The following ADGRE2 variants were observed in gnomAD, a reference collection of about 807,000 sequenced individuals.
ADGRE2 encodes CD97 antigen.
ADGRE2 carries 83 observed loss-of-function variants against 100.8 expected under a neutral mutation model. That is an observed-to-expected ratio of 0.82 (90% confidence interval 0.69 to 0.99). ADGRE2 has a LOEUF of 0.99. Among genes scored for constraint, ADGRE2 ranks in the 50% least tolerant of loss-of-function variants. The probability of loss-of-function intolerance (pLI) is 0.00; values close to 1 mark genes in which losing one functional copy is unlikely to be tolerated. For synonymous variants in ADGRE2, 355 were observed against 413.0 expected (o/e 0.86, Z 1.70); for missense variants, 814 against 1,035.7 (o/e 0.79, Z 2.94).
chr19:14,770,799 C>T (rs1186035697), intron 5 of ADGRE2, among the ~76,000 whole-genome samples: 1 of 150,552 alleles, frequency 6.6e-6, no homozygotes, highest in Non-Finnish European at 1.5e-5. Context: ...CTGCCTCAGC[C>T]TCCTGAGTAG....
At chr19:14,774,232 C>G (rs2044332249) in intron 3 of ADGRE2, 24 bp downstream of exon 3, 1 of 1,531,434 alleles carries the variant, frequency 6.5e-7, no homozygotes, top group Non-Finnish European at 8.9e-7. Flanking sequence ...GTGGACTGTG[C>G]TTTCTGCTTC....
chr19:14,728,943 G>A (rs2042650412), downstream of ADGRE2, among the ~76,000 whole-genome samples: 2 of 152,176 alleles, frequency 1.3e-5, no homozygotes, highest in African/African-American at 2.4e-5. Flanking sequence ...AAGCTGACCC[G>A]ATTGGCTACT....
chr19:14,761,356 G>C (rs1163367908), intron 11 of ADGRE2, among the ~76,000 whole-genome samples: 1 of 152,080 alleles, frequency 6.6e-6, no homozygotes, highest in African/African-American at 2.4e-5. Flanking sequence ...CAGTGAGCCA[G>C]GATCGCACCA....
intron 14 of ADGRE2, among the ~76,000 whole-genome samples, chr19:14,754,279 A>ATATATATCTATATCTATC (rs950345459): frequency 6.2e-5 from 4 of 64,516 alleles, no homozygotes; most frequent in Admixed American, 1.3e-4. Flanking sequence ...ACTCCCCTTT[A>ATATATATCTATATCTATC]TATATATCTA....
rs1260941111 is a variant in ADGRE2 at position 14,742,097 on chromosome 19, A to G, written c.2463+1323T>C. 3 of 398,496 alleles carry G rather than the reference A, an allele frequency of 7.5e-6. No homozygotes were observed. The East Asian group carries it at 1.1e-4, about 14-fold the overall frequency. The allele number at this position is 398,496 out of a possible 1,614,324, so 24.7% of individuals were successfully genotyped here. Reference sequence around the variant, plus strand: ...AACCACTGTTCCTGGCTGATTTATAAAAAAGCATTTAAACTGAGATCATTG... The same window carrying G: ...AACCACTGTTCCTGGCTGATTTATAGAAAAGCATTTAAACTGAGATCATTG... On this transcript the variant is annotated intron_variant, in intron 20 of 20. Coordinates refer to ENST00000315576, the MANE Select transcript of ADGRE2 (RefSeq NM_013447.4).
chr19:14,742,942 T>TA lies in ADGRE2; in HGVS notation c.2463+477dup, dbSNP rs778859309. 1.1e-3 allele frequency among the ~76,000 whole-genome samples: 164 copies of TA among 150,312 alleles called. 1 individual carries two copies. Among genetic ancestry groups the TA allele is most frequent in the Middle Eastern group, 3.4e-3 (1 of 294 alleles). ...GAGCCAAGGATTTTTTTTTTTTTTT[T>TA]AATTTTTGGGATAGGGTCTCACTCT... On this transcript the variant is annotated intron_variant, in intron 20 of 20. Coordinates refer to ENST00000315576, the MANE Select transcript of ADGRE2 (RefSeq NM_013447.4).
rs1427754780 is a variant in ADGRE2, at chr19:14,764,463, G to A, written c.1054C>T (p.Leu352=). The change falls in exon 11 of 21, where the codon CTG becomes TTG. Residue 352 remains leucine, a synonymous_variant. Transcript: ENST00000315576. The stretch of plus-strand genomic sequence containing the variant: ...CCTGCAGGATAACTGAAGTTCAACA[G>A]CCCATTGGAAAGGTTCTTGCTCAGG... The part of the protein sequence containing the change: ...RGLSKNLSNG[L]LNFSYPAGTE... The A allele has an allele frequency of 3.1e-6, 5 of 1,613,040 alleles. No individual in the cohort carries two copies. In the African/African-American group the frequency reaches 6.7e-5, roughly 22 times the overall value.
At chr19:14,769,645 A>G (rs2044121167) in intron 5 of ADGRE2, among the ~76,000 whole-genome samples, 1 of 151,954 alleles carries the variant, frequency 6.6e-6, no homozygotes. Context: ...TCCACCAACT[A>G]AGCCCCCTCT....
At position 14,751,672 on chromosome 19, in the gene ADGRE2, C is replaced by G; in HGVS notation, c.1789-1G>C. 6.2e-7 allele frequency: 1 copy of G among 1,612,236 alleles called. No individual in the cohort carries two copies. Among genetic ancestry groups the G allele is most frequent in the African/African-American group, 1.3e-5 (1 of 74,934 alleles). ...TACCGGCGATGATGGAGCACAGCACCTGGCGGAGAAGTAAAAGACGCCCAG... is the reference window on the plus strand; with the variant it reads ...TACCGGCGATGATGGAGCACAGCACGTGGCGGAGAAGTAAAAGACGCCCAG... On this transcript the variant is annotated splice_acceptor_variant, in intron 15 of 20. Coordinates refer to ENST00000315576, the MANE Select transcript of ADGRE2 (RefSeq NM_013447.4). LOFTEE classifies it high-confidence loss of function.
chr19:14,765,006 A>G lies in ADGRE2; in HGVS notation c.906+314T>C, dbSNP rs930276503. Among the ~76,000 whole-genome samples, 6 of 151,814 alleles carry G rather than the reference A, an allele frequency of 4.0e-5. No individual in the cohort carries two copies. The East Asian group carries it at 1.2e-3, about 29-fold the overall frequency. On this transcript the variant is annotated intron_variant, in intron 10 of 20. Coordinates refer to ENST00000315576, the MANE Select transcript of ADGRE2 (RefSeq NM_013447.4). ...AACTCTGGACTGGCGACAGAGTGAGACTCCGTCTAAAAAAAAAATGACATT... is the reference window on the plus strand; with the variant it reads ...AACTCTGGACTGGCGACAGAGTGAGGCTCCGTCTAAAAAAAAAATGACATT...
chr19:14,727,232 G>A, the ADGRE2 span, among the ~76,000 whole-genome samples: 4 of 152,076 alleles, frequency 2.6e-5, no homozygotes, highest in Non-Finnish European at 5.9e-5. Context: ...GTTTCACCGT[G>A]CTAGCCAGGA....
At chr19:14,743,167 G>A (rs1034120935) in intron 20 of ADGRE2, among the ~76,000 whole-genome samples, 6 of 151,932 alleles carry the variant, frequency 3.9e-5, no homozygotes, top group Non-Finnish European at 7.4e-5. Context: ...TTGCACTCCT[G>A]GCCTCAGGTG....
chr19:14,774,821 C>A (rs1358611154), intron 2 of ADGRE2, among the ~76,000 whole-genome samples: 2 of 147,666 alleles, frequency 1.4e-5, no homozygotes, highest in African/African-American at 5.0e-5. Flanking sequence ...CTACAGGCAC[C>A]CACCATGGTG....
At chr19:14,766,877 C>G in intron 6 of ADGRE2, 101 bp downstream of exon 6, 1 of 1,360,524 alleles carries the variant, frequency 7.4e-7, no homozygotes, top group Non-Finnish European at 1.0e-6. Context: ...CTTGTGGGAA[C>G]CTGCGGATCT....
rs771968212 is a variant in ADGRE2 at position 14,764,575 on chromosome 19, G to A, written c.942C>T (p.Ala314=). ...GGGGCAGGGTCTCCAGGTCCCCAGG[G>A]GCCTCCAGCAGCTCATCCAGCGCCT... The part of the protein sequence containing the change: ...ILQALDELLE[A]PGDLETLPRL... The change falls in exon 11 of 21, where the codon GCC becomes GCT. Residue 314 remains alanine, a synonymous_variant. Transcript: ENST00000315576. 1 of 1,612,648 alleles carries A rather than the reference G, an allele frequency of 6.2e-7. No homozygotes were observed. The highest frequency in any genetic ancestry group is 1.1e-5 in the South Asian group (1 of 91,066).
intron 20 of ADGRE2, among the ~76,000 whole-genome samples, chr19:14,742,980 G>A (rs1436867850): frequency 6.6e-6 from 1 of 151,658 alleles, no homozygotes; most frequent in Admixed American, 6.6e-5. Flanking sequence ...TGCCTGGGCT[G>A]GAGTGCAGTG....
In ADGRE2 at chr19:14,754,963, G is replaced by A. The variant is rs754549569; in HGVS notation, c.1581C>T (p.Tyr527=). The A allele has an allele frequency of 3.2e-5, 52 of 1,613,900 alleles. No homozygotes were observed. The East Asian group carries it at 4.2e-4, about 13-fold the overall frequency. Residue 527 remains tyrosine, a synonymous_variant, in exon 14 of 21, where the codon TAC becomes TAT. Coordinates refer to ENST00000315576, the MANE Select transcript of ADGRE2 (RefSeq NM_013447.4). ...LSSFAVLMAH[Y]DVQEEDPVLT... is the part of the protein sequence containing the mutation. ...CTCCTAAGGGTCTCACCTGCACATCGTAGTGGGCCATGAGGACGGCAAAGC... is the reference window on the plus strand; with the variant it reads ...CTCCTAAGGGTCTCACCTGCACATCATAGTGGGCCATGAGGACGGCAAAGC...
At position 14,746,970 on chromosome 19, in the gene ADGRE2, AAG is replaced by A. The variant is rs763674532; in HGVS notation, c.2025-10_2025-9del. On this transcript the variant is annotated splice_polypyrimidine_tract_variant and intron_variant, in intron 16 of 20. Coordinates refer to ENST00000315576, the MANE Select transcript of ADGRE2 (RefSeq NM_013447.4). The stretch of plus-strand genomic sequence containing the variant: ...TCTGGTTGGAGCCAGCAGCTGAAAA[AAG>A]AGAGATTAAAAAAAATGCATCAGTT... 6.3e-7 allele frequency: 1 copy of A among 1,595,292 alleles called. No individual in the cohort carries two copies. The highest frequency in any genetic ancestry group is 2.3e-5 in the East Asian group (1 of 44,374).
At position 14,751,565 on chromosome 19, in the gene ADGRE2, G is replaced by A. The variant is rs45563436; in HGVS notation, c.1895C>T (p.Thr632Met). The A allele has an allele frequency of 6.8e-5, 110 of 1,614,052 alleles. No homozygotes were observed. The highest frequency in any genetic ancestry group is 8.7e-5 in the Non-Finnish European group (103 of 1,180,004). The change falls in exon 16 of 21, where the codon ACG becomes ATG. Residue 632 changes from threonine (T) to methionine (M), a missense_variant. By Grantham distance (81) the Thr-to-Met change is moderately conservative (BLOSUM62 -1). This residue lies in a region of ADGRE2 where 569 missense variants were observed against 692.7 expected (regional missense o/e 0.82). Coordinates refer to ENST00000315576, the MANE Select transcript of ADGRE2 (RefSeq NM_013447.4). Reference sequence around the variant, plus strand: ...GTTGATGCTTGAGTAGTTGACCACCGTCAGGTTCCGTGCAGTGAGGAAGAG... The same window carrying A: ...GTTGATGCTTGAGTAGTTGACCACCATCAGGTTCCGTGCAGTGAGGAAGAG... The part of the protein sequence containing the change: ...LYLFLTARNL[T>M]VVNYSSINRF...
Sources: gnomAD v4.1 joint callset for allele counts (sites outside exome capture counted in the v4.1 genomes callset) on GRCh38, gnomAD v4.1.1 for gene constraint, gnomAD v4.1.1 regional missense constraint, MANE v1.5 for transcripts, NCBI Gene and HGNC (gene_info 2026-07-23, HGNC 2026-07-21) for gene names.